Variants in EYA4 observed in about 807,000 individuals in gnomAD.
EYA4 encodes protein phosphatase EYA4.
EYA4 carries 31 observed loss-of-function variants against 87.9 expected under a neutral mutation model. The observed-to-expected ratio is 0.35, with a 90% CI of 0.27 to 0.48. The LOEUF (loss-of-function observed/expected upper bound fraction) is 0.48, where lower values mean the gene tolerates loss of function less well. Ranked by LOEUF, EYA4 falls within the 20% of genes least tolerant of loss-of-function variation. The pLI is 0.99. For missense variants in EYA4, 678 were observed against 761.4 expected (o/e 0.89, Z 1.29); for synonymous variants, 263 against 270.6 (o/e 0.97, Z 0.28).
At chr6:133,371,291 A>G (rs1030207343) in intron 2 of EYA4, among the ~76,000 whole-genome samples, 1 of 152,124 alleles carries the variant, frequency 6.6e-6, no homozygotes, top group African/African-American at 2.4e-5. Context: ...GGGAGGATAG[A>G]TTATCCCAGC....
At chr6:133,318,629 T>TA (rs1780805393) in intron 2 of EYA4, among the ~76,000 whole-genome samples, 1 of 123,482 alleles carries the variant, frequency 8.1e-6, no homozygotes, top group South Asian at 2.6e-4. Flanking sequence ...CTTTTTTTTT[T>TA]TTTTAATCAT....
chr6:133,520,717 A>G (rs373864930), intron 17 of EYA4, among the ~76,000 whole-genome samples: 1,320 of 124,150 alleles, frequency 0.011, no homozygotes, highest in African/African-American at 0.015. Context: ...GAGGCATCAC[A>G]CTACCTGACT....
intron 16 of EYA4, 152 bp downstream of exon 16, chr6:133,513,190 G>GA (rs1473315104): frequency 5.7e-5 from 44 of 769,096 alleles, no homozygotes; most frequent in Admixed American, 2.1e-4. Context: ...GAATTGGTGG[G>GA]AAAAAATTTA....
At chr6:133,405,972 A>G (rs1788666071) in intron 3 of EYA4, among the ~76,000 whole-genome samples, 2 of 152,136 alleles carry the variant, frequency 1.3e-5, no homozygotes, top group South Asian at 2.1e-4. Flanking sequence ...GGAACTGTGT[A>G]GTCAACTGGA....
At chr6:133,336,430 A>G (rs1309473481) in intron 2 of EYA4, among the ~76,000 whole-genome samples, 6 of 152,182 alleles carry the variant, frequency 3.9e-5, no homozygotes, top group African/African-American at 1.2e-4. Context: ...AAAAAAGTCA[A>G]ACCTGACCAC....
chr6:133,343,489 G>A (rs746169615), intron 2 of EYA4, among the ~76,000 whole-genome samples: 3 of 151,278 alleles, frequency 2.0e-5, no homozygotes, highest in African/African-American at 7.3e-5. Flanking sequence ...TTCATTCCTC[G>A]GTGCTTCCCG....
In EYA4 at chr6:133,330,162, G is replaced by A. The variant is rs535426461; in HGVS notation, c.34-52230G>A. Reference sequence around the variant, plus strand: ...GGAACGAGCTTCCTAGCAAAGTTGTGATATCCACTGATAGAGATAATAAAG... The same window carrying A: ...GGAACGAGCTTCCTAGCAAAGTTGTAATATCCACTGATAGAGATAATAAAG... On this transcript the variant is annotated intron_variant, in intron 2 of 19. Transcript: ENST00000355286. Among the ~76,000 whole-genome samples, 10 of 152,184 alleles carry A rather than the reference G, an allele frequency of 6.6e-5. No homozygotes were observed. The East Asian group carries it at 1.9e-3, about 29-fold the overall frequency.
intron 2 of EYA4, among the ~76,000 whole-genome samples, chr6:133,303,737 A>G (rs968098995): frequency 6.6e-6 from 1 of 152,214 alleles, no homozygotes; most frequent in Non-Finnish European, 1.5e-5. Flanking sequence ...AAAAATCACA[A>G]ATGTGACAAT....
chr6:133,437,685 A>G (rs1234015312), intron 3 of EYA4, among the ~76,000 whole-genome samples: 4 of 152,166 alleles, frequency 2.6e-5, no homozygotes, highest in African/African-American at 9.7e-5. Flanking sequence ...GAAACTTATA[A>G]TTATGGCAAA....
At chr6:133,348,957 G>A in intron 2 of EYA4, among the ~76,000 whole-genome samples, 1 of 151,920 alleles carries the variant, frequency 6.6e-6, no homozygotes, top group East Asian at 1.9e-4. Context: ...AGTGGCCTTT[G>A]AGGCTCTACA....
At chr6:133,278,956 A>G (rs1314136862) in intron 2 of EYA4, among the ~76,000 whole-genome samples, 1 of 152,154 alleles carries the variant, frequency 6.6e-6, no homozygotes, top group Non-Finnish European at 1.5e-5. Flanking sequence ...AGCTCCCTTC[A>G]TACTGTGAAA....
intron 3 of EYA4, among the ~76,000 whole-genome samples, chr6:133,403,118 T>C (rs1320487291): frequency 6.6e-6 from 1 of 152,204 alleles, no homozygotes; most frequent in Non-Finnish European, 1.5e-5. Flanking sequence ...ATTTTGTGTT[T>C]ATGCATTTTG....
At position 133,374,136 on chromosome 6, in the gene EYA4, ATACT is replaced by A. The variant is rs1308197680; in HGVS notation, c.34-8252_34-8249del. ...TTAATGTGATTTGACATTTGGTTTA[ATACT>A]TACATACTGTACATAAATAATTGTG... On this transcript the variant is annotated intron_variant, in intron 2 of 19. Transcript: ENST00000355286. Among the ~76,000 whole-genome samples the A allele has an allele frequency of 3.3e-5, 5 of 152,118 alleles. No individual in the cohort carries two copies. The East Asian group carries it at 5.8e-4, about 18-fold the overall frequency.
chr6:133,408,060 A>G (rs1453864059), intron 3 of EYA4, among the ~76,000 whole-genome samples: 1 of 152,216 alleles, frequency 6.6e-6, no homozygotes, highest in Non-Finnish European at 1.5e-5. Flanking sequence ...TATAATACAT[A>G]TCTTTATAGA....
chr6:133,307,919 T>G (rs1331636861), intron 2 of EYA4, among the ~76,000 whole-genome samples: 1 of 152,124 alleles, frequency 6.6e-6, no homozygotes, highest in African/African-American at 2.4e-5. Context: ...GGGAGGGACC[T>G]GATAGGAGGT....
Position 133,530,794 on chromosome 6 carries a change from C to T in EYA4, c.*1989C>T. ...TTTTGTAGCTTTTGGCTGCATCTGCCCCAAGTACTATTCCAGGCAAATTAA... is the reference window on the plus strand; with the variant it reads ...TTTTGTAGCTTTTGGCTGCATCTGCTCCAAGTACTATTCCAGGCAAATTAA... On this transcript the variant is annotated 3_prime_UTR_variant, in exon 20 of 20. Coordinates refer to ENST00000355286, the MANE Select transcript of EYA4 (RefSeq NM_004100.5). 1 of 988,296 alleles carries T rather than the reference C, an allele frequency of 1.0e-6. No individual in the cohort carries two copies. Among genetic ancestry groups the T allele is most frequent in the Non-Finnish European group, 1.2e-6 (1 of 831,540 alleles). 61.2% of individuals were successfully genotyped at this position (988,296 alleles called of 1,614,324 possible). A position where few individuals can be genotyped will look rare whatever the true frequency, so the allele number is the denominator to read the frequency against.
In EYA4 at chr6:133,382,429, C is replaced by T; in HGVS notation, c.71C>T (p.Ser24Phe). ...KTCTESDVSQ[S>F]QNSRSMEMQD... The stretch of plus-strand genomic sequence containing the variant: ...TGCACAGAATCAGATGTTTCACAAT[C>T]TCAGAATTCCAGGTACAGTAAAATA... The change falls in exon 3 of 20, where the codon TCT (serine) becomes TTT (phenylalanine). Residue 24 changes from serine to phenylalanine, a missense_variant. Coordinates refer to ENST00000355286, the MANE Select transcript of EYA4 (RefSeq NM_004100.5). The T allele has an allele frequency of 6.2e-7, 1 of 1,610,068 alleles. No individual in the cohort carries two copies. The highest frequency in any genetic ancestry group is 1.1e-5 in the South Asian group (1 of 90,992).
At position 133,299,935 on chromosome 6, in the gene EYA4, C is replaced by A. The variant is rs1226038021; in HGVS notation, c.33+25122C>A. ...TGTATATATAAAGATCTCTATCTAT[C>A]TATCTATCTATCTATCTATCTATAT... On this transcript the variant is annotated intron_variant, in intron 2 of 19. Transcript: ENST00000355286. 3.9e-3 allele frequency among the ~76,000 whole-genome samples: 492 copies of A among 125,032 alleles called. 2 individuals carry two copies. The highest frequency in any genetic ancestry group is 0.014 in the African/African-American group (450 of 31,354). The allele number at this position is 125,032 out of a possible 152,430, so 82.0% of individuals were successfully genotyped here.
At chr6:133,452,199 G>A (rs1442960603) in intron 5 of EYA4, among the ~76,000 whole-genome samples, 1 of 152,044 alleles carries the variant, frequency 6.6e-6, no homozygotes, top group Non-Finnish European at 1.5e-5. Context: ...GAAATTCTTT[G>A]TAGAAACTAA....
Sources: gnomAD v4.1 joint callset for allele counts (sites outside exome capture counted in the v4.1 genomes callset) on GRCh38, gnomAD v4.1.1 for gene constraint, MANE v1.5 for transcripts, NCBI Gene and HGNC (gene_info 2026-07-23, HGNC 2026-07-21) for gene names.